Variants in EBF4 observed in about 807,000 individuals in gnomAD.
EBF4 encodes the protein EBF transcription factor 4, also known as transcription factor COE4.
Under a neutral mutation model 67.1 loss-of-function variants are expected in EBF4, and 34 were observed. The observed-to-expected ratio is 0.51, with a 90% confidence interval of 0.39 to 0.67. The LOEUF is 0.67. Ranked by LOEUF, EBF4 falls within the 30% of genes least tolerant of loss-of-function variation. The pLI is 0.00. For synonymous variants in EBF4, 387 were observed against 377.7 expected, an observed-to-expected ratio of 1.02 and a Z score of -0.29; for missense variants, 837 against 873.3, an observed-to-expected ratio of 0.96 and a Z score of 0.52.
At chr20:2,732,721 A>G (rs182983940) in intron 6 of EBF4, among the ~76,000 whole-genome samples, 1 of 152,304 alleles carries the variant, frequency 6.6e-6, no homozygotes, top group East Asian at 1.9e-4. Flanking sequence ...CTTTTAATGA[A>G]GCATTTCATC....
intron 10 of EBF4, 57 bp downstream of exon 10, chr20:2,750,030 G>A: frequency 6.7e-7 from 1 of 1,497,100 alleles, no homozygotes; most frequent in Non-Finnish European, 8.9e-7. Flanking sequence ...GCCCCACCCT[G>A]CGCACTGGTC....
At position 2,751,034 on chromosome 20, in the gene EBF4, AAGG is replaced by A. The variant is rs1228102382; in HGVS notation, c.1019-657_1019-655del. On this transcript the variant is annotated intron_variant, in intron 10 of 16. Transcript: ENST00000609451. The surrounding 1 kb of genome is among the most constrained non-coding windows in gnomAD (Gnocchi z 5.2). ...GCGGTGCGGGGATCAGGAAAAGGGGAAGGAGGAGGAGAAGGGCGTGGGGAGCTG... is the reference window on the plus strand; with the variant it reads ...GCGGTGCGGGGATCAGGAAAAGGGGAAGGAGGAGAAGGGCGTGGGGAGCTG... Among the ~76,000 whole-genome samples, 4 of 151,996 alleles carry A rather than the reference AAGG, an allele frequency of 2.6e-5. No homozygotes were observed. The highest frequency in any genetic ancestry group is 2.0e-4 in the East Asian group (1 of 5,126).
At chr20:2,740,531 A>G (rs2146472683) in intron 6 of EBF4, among the ~76,000 whole-genome samples, 1 of 152,266 alleles carries the variant, frequency 6.6e-6, no homozygotes, top group South Asian at 2.1e-4. Context: ...TCTTTGAGTT[A>G]CTGACAGCTT....
intron 6 of EBF4, among the ~76,000 whole-genome samples, chr20:2,714,420 A>G (rs2087582648): frequency 6.6e-6 from 1 of 151,336 alleles, no homozygotes; most frequent in Non-Finnish European, 1.5e-5. Flanking sequence ...TGGCGCAATC[A>G]TAGCTCACTG....
At chr20:2,741,597 G>A (rs1228502849) in intron 6 of EBF4, among the ~76,000 whole-genome samples, 4 of 152,178 alleles carry the variant, frequency 2.6e-5, no homozygotes, top group African/African-American at 9.7e-5. Flanking sequence ...TGTTTTTATG[G>A]GGAGGAATAA....
chr20:2,752,384 C>G lies in EBF4; in HGVS notation c.1379C>G (p.Ser460Cys), dbSNP rs1057403868. The change falls in exon 14 of 17, where the codon TCC becomes TGC. Residue 460 changes from serine (S) to cysteine (C), a missense_variant. Ser to Cys is a moderately radical substitution (Grantham distance 112, BLOSUM62 -1). Coordinates refer to ENST00000609451, the Ensembl canonical transcript of EBF4. ...TACGCGCGCAGCTGCAGCAGCGCGTCCCCCCGCGGGTTCGCGCCCAGCCCC... is the reference window on the plus strand; with the variant it reads ...TACGCGCGCAGCTGCAGCAGCGCGTGCCCCCGCGGGTTCGCGCCCAGCCCC... The G allele has an allele frequency of 4.8e-6, 6 of 1,247,062 alleles. No homozygotes were observed. The highest frequency in any genetic ancestry group is 6.1e-5 in the South Asian group (2 of 32,744). 77.2% of individuals were successfully genotyped at this position (1,247,062 alleles called of 1,614,324 possible).
Position 2,702,848 on chromosome 20 carries a change from G to A in EBF4, c.138-2729G>A, listed in dbSNP as rs146391594. On this transcript the variant is annotated intron_variant, in intron 1 of 16. Transcript: ENST00000609451. ...GCATCCCTGCAGCAGCCTCTCTCTT[G>A]TCCCCCACACTGCACCCTCCTTTCC... Among the ~76,000 whole-genome samples the A allele has an allele frequency of 2.6e-5, 4 of 152,194 alleles. No individual in the cohort carries two copies. The East Asian group carries it at 5.8e-4, about 22-fold the overall frequency.
At chr20:2,728,510 G>A (rs1200483059) in intron 6 of EBF4, among the ~76,000 whole-genome samples, 1 of 152,114 alleles carries the variant, frequency 6.6e-6, no homozygotes, top group Non-Finnish European at 1.5e-5. Flanking sequence ...TGGCTGAAGG[G>A]AAAAGAGGTT....
At position 2,752,158 on chromosome 20, in the gene EBF4, GCACCCCTGGCCCCGAGC is replaced by G; in HGVS notation, c.1252_1268del (p.Leu418ThrfsTer95). ...CACCCCCCGCGCACCCGGGCCGCTC[GCACCCCTGGCCCCGAGC>G]CACCCACACCCCGCCGTCGTGGGCA... On this transcript the variant is annotated frameshift_variant, in exon 13 of 17. Coordinates refer to ENST00000609451, the Ensembl canonical transcript of EBF4. LOFTEE classifies it high-confidence loss of function. 1 of 1,447,576 alleles carries G rather than the reference GCACCCCTGGCCCCGAGC, an allele frequency of 6.9e-7. No homozygotes were observed. The highest frequency in any genetic ancestry group is 9.1e-7 in the Non-Finnish European group (1 of 1,104,122). 89.7% of individuals were successfully genotyped at this position (1,447,576 alleles called of 1,614,324 possible).
At chr20:2,750,234 A>C (rs2088122168) in intron 10 of EBF4, among the ~76,000 whole-genome samples, 1 of 151,858 alleles carries the variant, frequency 6.6e-6, no homozygotes, top group African/African-American at 2.4e-5. Flanking sequence ...CCCACAACCA[A>C]CATTCTTACT....
At chr20:2,749,856 C>T in exon 10 of EBF4, 2 of 1,550,004 alleles carry the variant, frequency 1.3e-6, no homozygotes, top group South Asian at 1.2e-5. Context: ...GCTCATCACG[C>T]CCCACGCCAT....
Position 2,745,652 on chromosome 20 carries a change from A to G in EBF4, c.558-2897A>G, listed in dbSNP as rs1315872868. Among the ~76,000 whole-genome samples the G allele has an allele frequency of 2.0e-5, 3 of 152,226 alleles. No individual in the cohort carries two copies. The highest frequency in any genetic ancestry group is 4.4e-5 in the Non-Finnish European group (3 of 68,038). On this transcript the variant is annotated intron_variant, in intron 6 of 16. Transcript: ENST00000609451. This position sits in a 1 kb window ranked among gnomAD's most constrained non-coding sequence, Gnocchi z 5.2. The stretch of plus-strand genomic sequence containing the variant: ...CTGAGCAAAGGCTTGGGGAAGGGCC[A>G]GTGAGGGAGCAGGAAACCACAGCCT...
chr20:2,738,392 C>G (rs2087920324), intron 6 of EBF4, among the ~76,000 whole-genome samples: 1 of 152,178 alleles, frequency 6.6e-6, no homozygotes, highest in African/African-American at 2.4e-5. Flanking sequence ...CCTCCTCCCT[C>G]CTTTTTCTCT....
chr20:2,752,638 C>T, intron 14 of EBF4, 93 bp downstream of exon 14: 7 of 1,093,006 alleles, frequency 6.4e-6, no homozygotes, highest in Non-Finnish European at 8.1e-6. Flanking sequence ...GGTTGGGGCG[C>T]CGGCGCCGTG....
intron 6 of EBF4, 119 bp downstream of exon 6, chr20:2,709,761 G>A: frequency 9.3e-7 from 1 of 1,077,634 alleles, no homozygotes; most frequent in Non-Finnish European, 1.2e-6. Flanking sequence ...GGGGCACCAG[G>A]TTGGGTGGCT....
At chr20:2,754,978 C>CTG (rs1468303323) in intron 14 of EBF4, 2 of 118,560 alleles carry the variant, frequency 1.7e-5, no homozygotes, top group African/African-American at 5.7e-5. Context: ...CCACCCCCCC[C>CTG]CACAGGGCCC....
chr20:2,734,609 T>C (rs1220153074), intron 6 of EBF4, among the ~76,000 whole-genome samples: 2 of 152,180 alleles, frequency 1.3e-5, no homozygotes, highest in Non-Finnish European at 2.9e-5. Flanking sequence ...CTCCCAATTT[T>C]GTTCTTATTG....
intron 6 of EBF4, among the ~76,000 whole-genome samples, chr20:2,713,854 A>G (rs1254814693): frequency 1.3e-5 from 2 of 152,174 alleles, no homozygotes; most frequent in African/African-American, 4.8e-5. Context: ...TTGCCTGCAG[A>G]TGGGATTCAG....
At chr20:2,741,298 C>T (rs532503066) in intron 6 of EBF4, among the ~76,000 whole-genome samples, 24 of 151,998 alleles carry the variant, frequency 1.6e-4, no homozygotes, top group African/African-American at 5.5e-4. Context: ...GGTGACAGAG[C>T]GAGACCCTGA....
Sources: allele counts gnomAD v4.1 joint callset (sites outside exome capture counted in the v4.1 genomes callset), GRCh38; gene constraint gnomAD v4.1.1; non-coding constraint Gnocchi (gnomAD v3.1); transcripts MANE v1.5; gene names NCBI Gene and HGNC (gene_info 2026-07-23, HGNC 2026-07-21).